NPFFR2: variants seen among roughly 807,000 people sequenced by gnomAD.
NPFFR2 encodes neuropeptide FF receptor 2.
NPFFR2 carries 15 observed loss-of-function variants against 13.1 expected under a neutral mutation model. The ratio of observed to expected loss-of-function variants is 1.15; its 90% confidence interval spans 0.77 to 1.76. NPFFR2 has a LOEUF of 1.76. Ranked by LOEUF, NPFFR2 falls within the 40% of genes most tolerant of loss-of-function variation. The pLI is 0.00. For missense variants in NPFFR2, 572 were observed against 503.5 expected (o/e 1.14, Z -1.30); for synonymous variants, 190 against 175.7 (o/e 1.08, Z -0.65).
intron 1 of NPFFR2, among the ~76,000 whole-genome samples, chr4:72,094,118 C>T (rs1185443223): frequency 6.6e-6 from 1 of 152,136 alleles, no homozygotes; most frequent in African/African-American, 2.4e-5. Context: ...GATCTAGCCA[C>T]TCAGCTGAGC....
At position 72,147,858 on chromosome 4, in the gene NPFFR2, T is replaced by C. The variant is rs749739765; in HGVS notation, c.*46T>C. The C allele has an allele frequency of 7.5e-7, 1 of 1,330,388 alleles. No individual in the cohort carries two copies. Among genetic ancestry groups the C allele is most frequent in the Admixed American group, 2.7e-5 (1 of 37,224 alleles). 82.4% of individuals were successfully genotyped at this position (1,330,388 alleles called of 1,614,324 possible). On this transcript the variant is annotated 3_prime_UTR_variant, in exon 4 of 4. Transcript: ENST00000308744. ...CTAACTCTACTACGCATTATATATT[T>C]AAATCCATTGCTTTTTGTGGCTTTG...
chr4:72,046,504 A>G (rs1719387069), intron 1 of NPFFR2, among the ~76,000 whole-genome samples: 1 of 152,160 alleles, frequency 6.6e-6, no homozygotes, highest in Admixed American at 6.6e-5. Context: ...TGGACTTCCC[A>G]TTATCCAGAC....
At chr4:72,146,818 A>G (rs1722793923) in intron 3 of NPFFR2, among the ~76,000 whole-genome samples, 160 bp from the exon 4 acceptor site, 1 of 152,222 alleles carries the variant, frequency 6.6e-6, no homozygotes, top group African/African-American at 2.4e-5. Flanking sequence ...TATCAATTAC[A>G]GAAAATGACA....
intron 1 of NPFFR2, among the ~76,000 whole-genome samples, chr4:72,043,576 A>G (rs1031764262): frequency 6.6e-6 from 1 of 152,224 alleles, no homozygotes; most frequent in African/African-American, 2.4e-5. Flanking sequence ...AAAAGAGATC[A>G]TTTTGGTAAT....
intron 1 of NPFFR2, among the ~76,000 whole-genome samples, chr4:72,082,731 C>T (rs897358042): frequency 1.8e-4 from 28 of 152,026 alleles, no homozygotes; most frequent in African/African-American, 5.3e-4. Context: ...GTAATTACCT[C>T]GATGTACAAT....
intron 1 of NPFFR2, among the ~76,000 whole-genome samples, chr4:72,090,206 T>C (rs918852939): frequency 1.3e-5 from 2 of 152,152 alleles, no homozygotes; most frequent in African/African-American, 4.8e-5. Flanking sequence ...ACAAGTACCA[T>C]GCTGTTGTGG....
chr4:72,059,392 T>C (rs1578428296), intron 1 of NPFFR2, among the ~76,000 whole-genome samples: 1 of 152,262 alleles, frequency 6.6e-6, no homozygotes, highest in African/African-American at 2.4e-5. Context: ...AACATATTTG[T>C]CAGACTAAGA....
At position 72,147,981 on chromosome 4, in the gene NPFFR2, TAAAC is replaced by T. The variant is rs1722843613; in HGVS notation, c.*172_*175del. The T allele has an allele frequency of 1.8e-6, 1 of 547,852 alleles. No individual in the cohort carries two copies. Among genetic ancestry groups the T allele is most frequent in the Non-Finnish European group, 3.2e-6 (1 of 316,628 alleles). 33.9% of individuals were successfully genotyped at this position (547,852 alleles called of 1,614,324 possible). A position where few individuals can be genotyped will look rare whatever the true frequency, so the allele number is the denominator to read the frequency against. ...ATAAACAAAAATGGTCATAAGATCA[TAAAC>T]AATCTTATGTTGTATAAAAATACGT... is the stretch of plus-strand genomic sequence containing the variant. On this transcript the variant is annotated 3_prime_UTR_variant, in exon 4 of 4. Coordinates refer to ENST00000308744, the MANE Select transcript of NPFFR2 (RefSeq NM_004885.3).
At chr4:72,096,027 C>T (rs1299257269) in intron 1 of NPFFR2, among the ~76,000 whole-genome samples, 1 of 152,116 alleles carries the variant, frequency 6.6e-6, no homozygotes, top group East Asian at 1.9e-4. Flanking sequence ...GAGAGGGAAT[C>T]CAGTTTCTGA....
rs1719854091 is a variant in NPFFR2 at position 72,059,314 on chromosome 4, A to G, written c.-8+27114A>G. Among the ~76,000 whole-genome samples the G allele has an allele frequency of 2.0e-5, 3 of 152,098 alleles. No individual in the cohort carries two copies. In the South Asian group the frequency reaches 6.2e-4, roughly 32 times the overall value. On this transcript the variant is annotated intron_variant, in intron 1 of 3. Transcript: ENST00000308744. ...CACATAGCGCTGAGAGAAAATGTAT[A>G]CTACTATCTCTGCACACTGAAAACA... is the stretch of plus-strand genomic sequence containing the variant.
At chr4:72,074,904 T>TA (rs71215410) in intron 1 of NPFFR2, among the ~76,000 whole-genome samples, 136,835 of 152,116 alleles carry the variant, frequency 0.9, 62,501 homozygotes, top group Non-Finnish European at 0.98. Context: ...ACTTTAACTT[T>TA]AAAAGATTAT....
At chr4:72,046,366 G>T (rs910330110) in intron 1 of NPFFR2, among the ~76,000 whole-genome samples, 1 of 152,114 alleles carries the variant, frequency 6.6e-6, no homozygotes, top group Non-Finnish European at 1.5e-5. Flanking sequence ...GCAGAAGTGG[G>T]CTAGTTATTA....
intron 1 of NPFFR2, among the ~76,000 whole-genome samples, chr4:72,053,795 A>G (rs1420600624): frequency 2.0e-5 from 3 of 151,816 alleles, no homozygotes; most frequent in East Asian, 1.9e-4. Context: ...TGCACTAGCT[A>G]TATCTCCAGT....
intron 2 of NPFFR2, among the ~76,000 whole-genome samples, chr4:72,129,369 C>T (rs912984234): frequency 7.1e-5 from 9 of 126,580 alleles, no homozygotes; most frequent in Non-Finnish European, 1.1e-4. Flanking sequence ...TGGAGGATCC[C>T]GCCAGCCTCT....
intron 1 of NPFFR2, among the ~76,000 whole-genome samples, chr4:72,053,150 G>C (rs897824444): frequency 3.3e-5 from 5 of 151,846 alleles, no homozygotes; most frequent in African/African-American, 1.2e-4. Context: ...CTCAGAATAA[G>C]TCTCTTCATA....
At chr4:72,144,092 G>A (rs892085329) in intron 3 of NPFFR2, among the ~76,000 whole-genome samples, 1 of 152,138 alleles carries the variant, frequency 6.6e-6, no homozygotes, top group Non-Finnish European at 1.5e-5. Context: ...AGAAAGTACA[G>A]CTTGTCTCTG....
chr4:72,060,590 C>T (rs1178367388), intron 1 of NPFFR2, among the ~76,000 whole-genome samples: 1 of 151,918 alleles, frequency 6.6e-6, no homozygotes, highest in African/African-American at 2.4e-5. Flanking sequence ...TTTAATGAAC[C>T]AAGAAAACAG....
At chr4:72,050,979 A>C (rs1000088346) in intron 1 of NPFFR2, among the ~76,000 whole-genome samples, 1 of 151,962 alleles carries the variant, frequency 6.6e-6, no homozygotes, top group African/African-American at 2.4e-5. Context: ...TCCATGGTGT[A>C]TATGTGCTAC....
intron 3 of NPFFR2, among the ~76,000 whole-genome samples, chr4:72,142,981 G>C (rs1347199615): frequency 3.3e-5 from 5 of 152,184 alleles, no homozygotes; most frequent in Non-Finnish European, 5.9e-5. Flanking sequence ...ATGCAAAAGA[G>C]ATAATAATCA....
Sources: allele counts gnomAD v4.1 joint callset (sites outside exome capture counted in the v4.1 genomes callset), GRCh38; gene constraint gnomAD v4.1.1; transcripts MANE v1.5; gene names NCBI Gene and HGNC (gene_info 2026-07-23, HGNC 2026-07-21).